Variants in ERO1B observed in about 807,000 individuals in gnomAD.
ERO1B encodes the protein ERO1-like protein beta.
In ERO1B, 49 loss-of-function variants were observed where a neutral mutation model predicts 75.3. The observed-to-expected ratio is 0.65, with a 90% confidence interval of 0.52 to 0.83. ERO1B has a LOEUF of 0.83. Ranked by LOEUF, ERO1B falls within the 40% of genes least tolerant of loss-of-function variation. The pLI is 0.00. For missense variants in ERO1B, 512 were observed against 560.1 expected (o/e 0.91, Z 0.87); for synonymous variants, 191 against 192.9 (o/e 0.99, Z 0.08).
At chr1:236,273,935 T>C (rs2695037) in intron 1 of ERO1B, among the ~76,000 whole-genome samples, 137,721 of 150,512 alleles carry the variant, frequency 0.92, 64,254 homozygotes, top group East Asian at 1. Context: ...TACCAATTTA[T>C]CAGCCCCTCA....
chr1:236,255,752 G>A (rs1446775935), intron 2 of ERO1B, among the ~76,000 whole-genome samples: 1 of 152,022 alleles, frequency 6.6e-6, no homozygotes, highest in Non-Finnish European at 1.5e-5. Context: ...GCACATCTGG[G>A]GACTGCAAGT....
At chr1:236,268,554 T>A (rs569749446) in intron 2 of ERO1B, among the ~76,000 whole-genome samples, 1 of 152,164 alleles carries the variant, frequency 6.6e-6, no homozygotes, top group Admixed American at 6.5e-5. Context: ...GAATTTGAGA[T>A]CGGCCTGGGC....
intron 1 of ERO1B, among the ~76,000 whole-genome samples, chr1:236,272,583 G>A (rs896934477): frequency 2.0e-5 from 3 of 151,970 alleles, no homozygotes; most frequent in Non-Finnish European, 4.4e-5. Context: ...GACAAGAGCT[G>A]AAAAATTCCC....
At chr1:236,244,242 A>G (rs3768105) in intron 5 of ERO1B, among the ~76,000 whole-genome samples, 28,296 of 152,156 alleles carry the variant, frequency 0.19, 3,134 homozygotes, top group African/African-American at 0.31. Context: ...AAAAAACTGT[A>G]TAAATCAGGT....
intron 2 of ERO1B, among the ~76,000 whole-genome samples, chr1:236,262,401 CT>C (rs1455959586): frequency 3.9e-5 from 6 of 152,010 alleles, no homozygotes; most frequent in Non-Finnish European, 8.8e-5. Context: ...TCTTTTCAGT[CT>C]TTTTTTGTTT....
rs1664055237 is a variant in ERO1B at position 236,218,537 on chromosome 1, G to T, written c.1383C>A (p.Val461=). 2 of 1,415,378 alleles carry T rather than the reference G, an allele frequency of 1.4e-6. No individual in the cohort carries two copies. Among genetic ancestry groups the T allele is most frequent in the East Asian group, 5.6e-5 (2 of 35,928 alleles). 87.7% of individuals were successfully genotyped at this position (1,415,378 alleles called of 1,614,324 possible). A position where few individuals can be genotyped will look rare whatever the true frequency, so the allele number is the denominator to read the frequency against. ...TTTATTACCTACTGTGTTGTAATAA[G>T]ACTTTAAAATTCTGTAAGTCTCTTA... The part of the protein sequence containing the change: ...TSIRDLQNFK[V]LLQHSR The change falls in exon 16 of 16, where the codon GTC becomes GTA. Residue 461 remains valine (V), a synonymous_variant. Coordinates refer to ENST00000354619, the MANE Select transcript of ERO1B (RefSeq NM_019891.4).
Position 236,269,787 on chromosome 1 carries a change from G to C in ERO1B, c.222+88C>G. On this transcript the variant is annotated intron_variant, in intron 2 of 15. Transcript: ENST00000354619. Reference sequence around the variant, plus strand: ...TGATGAAAGATATACACAAGGTGCTGAGAGGAACTGAAATGGGCTTTCAAA... The same window carrying C: ...TGATGAAAGATATACACAAGGTGCTCAGAGGAACTGAAATGGGCTTTCAAA... 2 of 1,021,466 alleles carry C rather than the reference G, an allele frequency of 2.0e-6. 1 individual carries two copies. The highest frequency in any genetic ancestry group is 3.1e-5 in the South Asian group (2 of 64,264). 63.3% of individuals were successfully genotyped at this position (1,021,466 alleles called of 1,614,324 possible). A position where few individuals can be genotyped will look rare whatever the true frequency, so the allele number is the denominator to read the frequency against.
rs750748027 is a variant in ERO1B at position 236,235,780 on chromosome 1, A to G, written c.673+9T>C. 5 of 1,606,398 alleles carry G rather than the reference A, an allele frequency of 3.1e-6. No homozygotes were observed. In the South Asian group the frequency reaches 3.4e-5, roughly 11 times the overall value. On this transcript the variant is annotated intron_variant, in intron 8 of 15. Coordinates refer to ENST00000354619, the MANE Select transcript of ERO1B (RefSeq NM_019891.4). Reference sequence around the variant, plus strand: ...GAAAAGCATGAAAATGTACATATGAAAAACCTACCTCGGCTAGGCGCCAGA... The same window carrying G: ...GAAAAGCATGAAAATGTACATATGAGAAACCTACCTCGGCTAGGCGCCAGA...
At chr1:236,278,544 C>A (rs1665757208) in intron 1 of ERO1B, among the ~76,000 whole-genome samples, 1 of 152,096 alleles carries the variant, frequency 6.6e-6, no homozygotes, top group Admixed American at 6.5e-5. Context: ...GAGAAGCCCT[C>A]AGAGTAACGG....
Position 236,281,816 on chromosome 1 carries a change from C to A in ERO1B, c.-33G>T. The A allele has an allele frequency of 7.4e-7, 1 of 1,359,528 alleles. No individual in the cohort carries two copies. Among genetic ancestry groups the A allele is most frequent in the Non-Finnish European group, 9.6e-7 (1 of 1,044,456 alleles). 84.2% of individuals were successfully genotyped at this position (1,359,528 alleles called of 1,614,324 possible). A position where few individuals can be genotyped will look rare whatever the true frequency, so the allele number is the denominator to read the frequency against. On this transcript the variant is annotated 5_prime_UTR_variant, in exon 1 of 16. Transcript: ENST00000354619. ...TCTACCCACACCGCGGCCAGCCGGA[C>A]CCCTCGGGGCCGGGGAACGACGGGC...
At chr1:236,279,360 G>A (rs949140255) in intron 1 of ERO1B, among the ~76,000 whole-genome samples, 4 of 151,384 alleles carry the variant, frequency 2.6e-5, no homozygotes, top group East Asian at 2.0e-4. Flanking sequence ...AAAATTAGCC[G>A]TGTGTGGTGG....
chr1:236,248,913 A>T (rs958669109), intron 5 of ERO1B, among the ~76,000 whole-genome samples: 8 of 152,018 alleles, frequency 5.3e-5, no homozygotes, highest in African/African-American at 1.9e-4. Flanking sequence ...AATGGAGGAT[A>T]TGTATGTGGG....
At chr1:236,230,309 A>G (rs1019654919) in intron 9 of ERO1B, 59 bp from the exon 10 acceptor site, 13 of 1,422,270 alleles carry the variant, frequency 9.1e-6, no homozygotes, top group African/African-American at 1.4e-5. Flanking sequence ...AGTAGAATAA[A>G]TTAGGTTTAT....
intron 1 of ERO1B, among the ~76,000 whole-genome samples, chr1:236,276,241 A>C (rs1030701426): frequency 2.0e-5 from 3 of 152,238 alleles, no homozygotes; most frequent in Non-Finnish European, 4.4e-5. Context: ...GAGATGTCCA[A>C]AAAGAAGTTG....
intron 7 of ERO1B, 113 bp downstream of exon 7, chr1:236,236,165 G>A (rs1664538189): frequency 4.5e-6 from 6 of 1,324,412 alleles, no homozygotes; most frequent in Non-Finnish European, 6.3e-6. Context: ...GACCTCAGAT[G>A]ATCCACCCAC....
intron 1 of ERO1B, among the ~76,000 whole-genome samples, chr1:236,277,874 A>C (rs1348934176): frequency 1.3e-5 from 2 of 152,126 alleles, no homozygotes; most frequent in African/African-American, 2.4e-5. Flanking sequence ...TTATTATTAA[A>C]ATCTTTTTGG....
rs1425898545 is a variant in ERO1B, at chr1:236,226,408, AGTAAAGATTCTT to A, written c.901_912del (p.Lys301_Tyr304del). The A allele has an allele frequency of 6.2e-7, 1 of 1,614,062 alleles. No homozygotes were observed. The highest frequency in any genetic ancestry group is 8.5e-7 in the Non-Finnish European group (1 of 1,180,024). On this transcript the variant is annotated inframe_deletion, in exon 12 of 16. Transcript: ENST00000354619. ...GCTCGAAGCTCAATCAAGTATAAAA[AGTAAAGATTCTT>A]GAGCCTTCTTGGACCTTCTCCCTTG...
At chr1:236,258,282 CTGCAAGGGAAAAGTGAGT>C (rs1665212342) in intron 2 of ERO1B, among the ~76,000 whole-genome samples, 1 of 151,672 alleles carries the variant, frequency 6.6e-6, no homozygotes, top group Non-Finnish European at 1.5e-5. Context: ...ATATTGAAAG[CTGCAAGGGAAAAGTGAGT>C]TGTTACAAAC....
At chr1:236,229,666 A>G (rs1435833910) in intron 10 of ERO1B, among the ~76,000 whole-genome samples, 1 of 152,164 alleles carries the variant, frequency 6.6e-6, no homozygotes, top group Non-Finnish European at 1.5e-5. Context: ...CTGAGTTATT[A>G]AAATCCTACA....
Sources: allele counts gnomAD v4.1 joint callset (sites outside exome capture counted in the v4.1 genomes callset), GRCh38; gene constraint gnomAD v4.1.1; transcripts MANE v1.5; gene names NCBI Gene and HGNC (gene_info 2026-07-23, HGNC 2026-07-21).